Variants in JARID2 observed in about 807,000 individuals in gnomAD.
The protein encoded by JARID2 is protein Jumonji.
In JARID2, 21 loss-of-function variants were observed where a neutral mutation model predicts 125.6. That is an observed-to-expected ratio of 0.17 (90% CI 0.12 to 0.24). JARID2 has a LOEUF of 0.24. Among genes scored for constraint, JARID2 ranks in the 10% least tolerant of loss-of-function variants. JARID2 has a pLI of 1.00. For missense variants in JARID2, 1,303 were observed against 1,639.6 expected (o/e 0.79, Z 3.55); for synonymous variants, 736 against 661.6 (o/e 1.11, Z -1.73).
intron 1 of JARID2, among the ~76,000 whole-genome samples, chr6:15,340,775 T>C: frequency 6.6e-6 from 1 of 152,188 alleles, no homozygotes; most frequent in East Asian, 1.9e-4. Context: ...CTCGTTCCTC[T>C]TTAGTGGGAA....
chr6:15,401,156 A>C (rs1765417565), intron 2 of JARID2: 3 of 469,536 alleles, frequency 6.4e-6, no homozygotes, highest in Non-Finnish European at 9.5e-6. Context: ...GCAAGGTGCT[A>C]TATATATATA....
Position 15,452,194 on chromosome 6 carries a change from C to G in JARID2, c.493+19C>G. On this transcript the variant is annotated intron_variant, in intron 4 of 17. Transcript: ENST00000341776. ...CTTCGAGGTAAGACTTTGCAACCATCGGCGGAGGTCTACGTGGAATCTACA... is the reference window on the plus strand; with the variant it reads ...CTTCGAGGTAAGACTTTGCAACCATGGGCGGAGGTCTACGTGGAATCTACA... 1 of 1,612,758 alleles carries G rather than the reference C, an allele frequency of 6.2e-7. No individual in the cohort carries two copies. Among genetic ancestry groups the G allele is most frequent in the Non-Finnish European group, 8.5e-7 (1 of 1,179,518 alleles).
At chr6:15,319,028 T>C (rs1161177171) in intron 1 of JARID2, among the ~76,000 whole-genome samples, 3 of 152,244 alleles carry the variant, frequency 2.0e-5, no homozygotes, top group African/African-American at 7.2e-5. Context: ...CAATCAGTTT[T>C]CTAGGGTAGC....
chr6:15,329,518 C>T (rs1438000922), intron 1 of JARID2, among the ~76,000 whole-genome samples: 2 of 152,190 alleles, frequency 1.3e-5, no homozygotes, highest in Admixed American at 6.5e-5. Context: ...GTATGATGGC[C>T]TCTTTTGCTG....
chr6:15,359,281 C>T (rs1763708749), intron 1 of JARID2, among the ~76,000 whole-genome samples: 1 of 152,120 alleles, frequency 6.6e-6, no homozygotes, highest in African/African-American at 2.4e-5. Flanking sequence ...AGGGTTTACT[C>T]CTTTGGATGT....
At chr6:15,400,807 G>T (rs1396048951) in intron 2 of JARID2, 5 of 1,243,164 alleles carry the variant, frequency 4.0e-6, no homozygotes, top group Non-Finnish European at 4.2e-6. Context: ...CTATTGCCGC[G>T]CGGAATCTGC....
chr6:15,311,118 G>A (rs1401599969), intron 1 of JARID2, among the ~76,000 whole-genome samples: 5 of 152,138 alleles, frequency 3.3e-5, no homozygotes, highest in Admixed American at 2.6e-4. Context: ...ACCCTTCCGC[G>A]TGGCGTATCA....
rs74598436 is a variant in JARID2 at position 15,389,096 on chromosome 6, C to G, written c.181+14844C>G. Among the ~76,000 whole-genome samples the G allele has an allele frequency of 3.4e-3, 520 of 152,290 alleles. 2 individuals carry two copies. Among genetic ancestry groups the G allele is most frequent in the African/African-American group, 0.012 (480 of 41,562 alleles). On this transcript the variant is annotated intron_variant, in intron 2 of 17. Transcript: ENST00000341776. The stretch of plus-strand genomic sequence containing the variant: ...TTCCATGGCTCTCAAAGTTATGCTG[C>G]CATGTGTTACATGAAGGCAGTCCAA...
intron 6 of JARID2, among the ~76,000 whole-genome samples, chr6:15,489,197 G>A (rs1349812997): frequency 1.3e-5 from 2 of 152,172 alleles, no homozygotes; most frequent in East Asian, 1.9e-4. Flanking sequence ...AGTTGTTTTT[G>A]TTTATCTTCT....
intron 5 of JARID2, among the ~76,000 whole-genome samples, chr6:15,485,585 A>G (rs1278370512): frequency 2.0e-5 from 3 of 152,232 alleles, no homozygotes; most frequent in Non-Finnish European, 4.4e-5. Context: ...TAGCTTGATT[A>G]ATCACTTTAT....
At chr6:15,403,424 G>T (rs1329909501) in intron 2 of JARID2, among the ~76,000 whole-genome samples, 1 of 152,140 alleles carries the variant, frequency 6.6e-6, no homozygotes, top group Non-Finnish European at 1.5e-5. Context: ...GAGCCAGAAT[G>T]GGGCCCATTC....
intron 2 of JARID2, among the ~76,000 whole-genome samples, chr6:15,409,065 C>T (rs368348608): frequency 6.6e-6 from 1 of 152,162 alleles, no homozygotes; most frequent in African/African-American, 2.4e-5. Context: ...AGAAACAAGC[C>T]AGGTCCCAGG....
At chr6:15,455,148 G>A (rs1413937253) in intron 4 of JARID2, among the ~76,000 whole-genome samples, 2 of 149,594 alleles carry the variant, frequency 1.3e-5, no homozygotes, top group African/African-American at 4.9e-5. Context: ...AGACATGATT[G>A]TGCCTCAGCA....
chr6:15,439,327 C>T (rs748979566), intron 3 of JARID2, among the ~76,000 whole-genome samples: 2 of 152,150 alleles, frequency 1.3e-5, no homozygotes, highest in Non-Finnish European at 2.9e-5. Context: ...ACTTGCACCC[C>T]TGCTGTTATG....
intron 1 of JARID2, among the ~76,000 whole-genome samples, chr6:15,360,086 A>G (rs1358721255): frequency 2.6e-5 from 4 of 152,122 alleles, no homozygotes; most frequent in African/African-American, 9.7e-5. Flanking sequence ...ATTTTCAGAG[A>G]ATGGCTCTTG....
rs553899942 is a variant in JARID2, at chr6:15,292,567, G to A, written c.45+45983G>A. On this transcript the variant is annotated intron_variant, in intron 1 of 17. Coordinates refer to ENST00000341776, the MANE Select transcript of JARID2 (RefSeq NM_004973.4). ...CAGAAATGTAACACTCCTGAGTCCC[G>A]GTGAGGCTCAGAGAGCACCCCAGGG... Among the ~76,000 whole-genome samples, 5 of 152,110 alleles carry A rather than the reference G, an allele frequency of 3.3e-5. No individual in the cohort carries two copies. In the East Asian group the frequency reaches 9.7e-4, roughly 29 times the overall value.
chr6:15,514,014 G>A (rs1179731297), intron 16 of JARID2, among the ~76,000 whole-genome samples: 3 of 152,258 alleles, frequency 2.0e-5, no homozygotes, highest in Non-Finnish European at 4.4e-5. Context: ...ACAGCAGGCT[G>A]CATTCCTCTT....
chr6:15,413,639 C>A (rs1198863235), intron 3 of JARID2, among the ~76,000 whole-genome samples: 2 of 152,092 alleles, frequency 1.3e-5, no homozygotes, highest in Non-Finnish European at 2.9e-5. Flanking sequence ...TGGGATCTGG[C>A]TTTGTTACCC....
intron 1 of JARID2, among the ~76,000 whole-genome samples, chr6:15,318,343 G>A (rs970283457): frequency 1.3e-5 from 2 of 152,234 alleles, no homozygotes; most frequent in African/African-American, 4.8e-5. Flanking sequence ...AATTGGAGAA[G>A]GACAGGGAGA....
Sources: allele counts gnomAD v4.1 joint callset (sites outside exome capture counted in the v4.1 genomes callset), GRCh38; gene constraint gnomAD v4.1.1; transcripts MANE v1.5; gene names NCBI Gene and HGNC (gene_info 2026-07-23, HGNC 2026-07-21).